Variants in MYO1D observed in about 807,000 individuals in gnomAD.
MYO1D encodes unconventional myosin-Id.
MYO1D carries 83 observed loss-of-function variants against 122.0 expected under a neutral mutation model. The observed-to-expected ratio is 0.68, with a 90% CI of 0.57 to 0.82. MYO1D has a LOEUF of 0.82. Among genes scored for constraint, MYO1D ranks in the 40% least tolerant of loss-of-function variants. The pLI is 0.00. For missense variants in MYO1D, 1,157 were observed against 1,269.5 expected (o/e 0.91, Z 1.35); for synonymous variants, 464 against 446.9 (o/e 1.04, Z -0.48).
intron 16 of MYO1D, among the ~76,000 whole-genome samples, chr17:32,690,361 G>A (rs930356384): frequency 2.0e-5 from 3 of 152,050 alleles, no homozygotes; most frequent in Non-Finnish European, 4.4e-5. Flanking sequence ...TTTTAGTAGA[G>A]ACAGGGTTTC....
At chr17:32,692,910 T>A (rs1214054362) in intron 16 of MYO1D, among the ~76,000 whole-genome samples, 1 of 152,222 alleles carries the variant, frequency 6.6e-6, no homozygotes, top group Non-Finnish European at 1.5e-5. Context: ...AAATATGCTC[T>A]TTTTATTTTT....
At chr17:32,617,735 G>A (rs1389567138) in intron 20 of MYO1D, among the ~76,000 whole-genome samples, 1 of 152,108 alleles carries the variant, frequency 6.6e-6, no homozygotes, top group Non-Finnish European at 1.5e-5. Flanking sequence ...GCCACTGCTC[G>A]CGGCCCACCT....
intron 21 of MYO1D, among the ~76,000 whole-genome samples, chr17:32,499,527 G>A (rs1176838541): frequency 6.6e-6 from 1 of 151,824 alleles, no homozygotes; most frequent in African/African-American, 2.4e-5. Flanking sequence ...CCAGCTACTC[G>A]GGAGGCTGAG....
chr17:32,674,125 A>G (rs1567941982), intron 16 of MYO1D, among the ~76,000 whole-genome samples: 1 of 152,196 alleles, frequency 6.6e-6, no homozygotes, highest in African/African-American at 2.4e-5. Flanking sequence ...GGCTGTTTCA[A>G]CGTTCTGACG....
At chr17:32,856,493 C>A (rs1451777750) in intron 1 of MYO1D, among the ~76,000 whole-genome samples, 1 of 152,198 alleles carries the variant, frequency 6.6e-6, no homozygotes, top group Non-Finnish European at 1.5e-5. Context: ...TACTGACTAA[C>A]CCACTACAAA....
chr17:32,852,785 A>G (rs2091000330), intron 1 of MYO1D, among the ~76,000 whole-genome samples: 1 of 152,180 alleles, frequency 6.6e-6, no homozygotes, highest in Admixed American at 6.6e-5. Flanking sequence ...TTAGATAAAA[A>G]AAGAAACAAT....
Position 32,638,822 on chromosome 17 carries a change from C to T in MYO1D, c.2609G>A (p.Ser870Asn), listed in dbSNP as rs1186476426. Residue 870 changes from serine to asparagine, a missense_variant, in exon 20 of 22, where the codon AGT becomes AAT. Ser to Asn is a conservative substitution (Grantham distance 46). Coordinates refer to ENST00000318217, the MANE Select transcript of MYO1D (RefSeq NM_015194.3). ...AAAAATTGCTCTGTCTTCCACCTTA[C>T]TAAATCGATTTACCTGTAAGAGAAC... The part of the protein sequence containing the change: ...SCHVRKVNRF[S>N]KVEDRAIFVT... The T allele has an allele frequency of 6.2e-7, 1 of 1,612,088 alleles. No homozygotes were observed. Among genetic ancestry groups the T allele is most frequent in the African/African-American group, 1.3e-5 (1 of 74,890 alleles).
intron 1 of MYO1D, among the ~76,000 whole-genome samples, chr17:32,873,288 C>T (rs972676400): frequency 1.3e-5 from 2 of 152,140 alleles, no homozygotes; most frequent in African/African-American, 4.8e-5. Context: ...GCCTTGAGTG[C>T]TTGACTATTA....
At chr17:32,780,929 T>C in intron 1 of MYO1D, 145 bp from the exon 2 acceptor site, 1 of 813,846 alleles carries the variant, frequency 1.2e-6, no homozygotes, top group Non-Finnish European at 1.9e-6. Flanking sequence ...TGAGTTAACT[T>C]GTAGAGAATG....
At chr17:32,876,648 C>A (rs374565570) in intron 1 of MYO1D, 130 bp downstream of exon 1, 2 of 682,152 alleles carry the variant, frequency 2.9e-6, no homozygotes, top group Non-Finnish European at 4.5e-6. Flanking sequence ...CCCCGGACAC[C>A]GCAGCCCGGC....
intron 21 of MYO1D, among the ~76,000 whole-genome samples, chr17:32,517,366 C>T (rs7212466): frequency 0.4 from 60,826 of 152,084 alleles, 13,092 homozygotes; most frequent in Non-Finnish European, 0.47. Context: ...GCCTCTTTGT[C>T]TAGCCTCAAG....
chr17:32,817,897 C>T (rs1399127915), intron 1 of MYO1D, among the ~76,000 whole-genome samples: 5 of 151,554 alleles, frequency 3.3e-5, no homozygotes, highest in African/African-American at 1.2e-4. Context: ...GAGGCCGAGG[C>T]GGGCGGATCA....
intron 1 of MYO1D, among the ~76,000 whole-genome samples, chr17:32,846,455 G>C (rs182797686): frequency 6.6e-6 from 1 of 152,268 alleles, no homozygotes; most frequent in Admixed American, 6.5e-5. Context: ...ATGTGTACAG[G>C]TGAGTATCTA....
intron 21 of MYO1D, among the ~76,000 whole-genome samples, chr17:32,603,023 C>T (rs2087580448): frequency 6.6e-6 from 1 of 151,712 alleles, no homozygotes; most frequent in South Asian, 2.1e-4. Context: ...GATTTTATCT[C>T]TCATTTCCAC....
intron 21 of MYO1D, among the ~76,000 whole-genome samples, chr17:32,547,825 C>T (rs1412124835): frequency 6.6e-6 from 1 of 151,944 alleles, no homozygotes; most frequent in Non-Finnish European, 1.5e-5. Flanking sequence ...TGGTGCATGC[C>T]TGTAGTCTCA....
chr17:32,743,416 C>T (rs1169445787), intron 13 of MYO1D, among the ~76,000 whole-genome samples: 2 of 152,142 alleles, frequency 1.3e-5, no homozygotes, highest in Non-Finnish European at 2.9e-5. Context: ...TTTCCCTGAA[C>T]CAATTAGCGT....
intron 21 of MYO1D, among the ~76,000 whole-genome samples, chr17:32,562,241 T>C (rs974592045): frequency 2.6e-5 from 4 of 152,002 alleles, no homozygotes; most frequent in African/African-American, 7.2e-5. Context: ...AACATTTTTT[T>C]TGAAATTGTG....
chr17:32,723,429 C>A lies in MYO1D; in HGVS notation c.1747-2240G>T, dbSNP rs145367612. 4.4e-3 allele frequency among the ~76,000 whole-genome samples: 668 copies of A among 152,296 alleles called. 4 individuals carry two copies. The highest frequency in any genetic ancestry group is 4.8e-3 in the Non-Finnish European group (327 of 68,018). On this transcript the variant is annotated intron_variant, in intron 14 of 21. Transcript: ENST00000318217. ...AGTTGCTGTTGCTATGCAGAGGCCA[C>A]TATTCTGCCTAGTACACCTGCCCTT...
In MYO1D at chr17:32,760,532, A is replaced by T; in HGVS notation, c.1131T>A (p.Thr377=). The change falls in exon 9 of 22, where the codon ACT becomes ACA. Residue 377 remains threonine (T), a synonymous_variant. Transcript: ENST00000318217. ...NYDTTIHGKN[T]VIGVLDIYGF... ...CATAGATATCCAAGACACCAATAAC[A>T]GTGTTTTTCCCATGGATTGTGGTGT... The T allele has an allele frequency of 6.2e-7, 1 of 1,613,936 alleles. No individual in the cohort carries two copies. The highest frequency in any genetic ancestry group is 8.5e-7 in the Non-Finnish European group (1 of 1,179,862).
Sources: allele counts gnomAD v4.1 joint callset (sites outside exome capture counted in the v4.1 genomes callset), GRCh38; gene constraint gnomAD v4.1.1; transcripts MANE v1.5; gene names NCBI Gene and HGNC (gene_info 2026-07-23, HGNC 2026-07-21).